The following LRP12 variants were observed in gnomAD, a reference collection of about 807,000 sequenced individuals.
The protein encoded by LRP12 is LDL receptor related protein 12.
LRP12 carries 14 observed loss-of-function variants against 66.0 expected under a neutral mutation model. That is an observed-to-expected ratio of 0.21 (90% CI 0.14 to 0.33). The LOEUF is 0.33. Ranked by LOEUF, LRP12 falls within the 10% of genes least tolerant of loss-of-function variation. LRP12 has a pLI of 1.00. For synonymous variants in LRP12, 357 were observed against 359.1 expected (o/e 0.99, Z 0.07); for missense variants, 889 against 1,053.4 (o/e 0.84, Z 2.16).
chr8:104,528,157 C>A (rs1485701355), intron 2 of LRP12, among the ~76,000 whole-genome samples: 2 of 152,136 alleles, frequency 1.3e-5, no homozygotes, highest in East Asian at 1.9e-4. Context: ...AATTAAAATT[C>A]TTTCTAAAAT....
intron 1 of LRP12, among the ~76,000 whole-genome samples, chr8:104,554,015 A>G (rs929810100): frequency 4.6e-5 from 7 of 152,192 alleles, no homozygotes; most frequent in African/African-American, 1.7e-4. Flanking sequence ...GGGTGGCTAG[A>G]CCCACAAATG....
intron 3 of LRP12, chr8:104,507,548 T>C (rs1810927827): frequency 6.6e-6 from 1 of 152,224 alleles, no homozygotes; most frequent in Non-Finnish European, 1.5e-5. Flanking sequence ...TCTCTATAAA[T>C]TCTAGTTTTA....
chr8:104,518,845 T>G (rs1381267897), intron 2 of LRP12, among the ~76,000 whole-genome samples: 1 of 151,844 alleles, frequency 6.6e-6, no homozygotes, highest in East Asian at 1.9e-4. Context: ...GGGGATGAAG[T>G]GGAGGCTGAG....
intron 1 of LRP12, among the ~76,000 whole-genome samples, chr8:104,564,718 G>A (rs1811969358): frequency 6.6e-6 from 1 of 152,016 alleles, no homozygotes; most frequent in African/African-American, 2.4e-5. Context: ...ATCACTTGAG[G>A]TCAGGAGTTT....
At position 104,497,112 on chromosome 8, in the gene LRP12, G is replaced by A. The variant is rs983695062; in HGVS notation, c.1440C>T (p.Ser480=). 1.9e-5 allele frequency: 30 copies of A among 1,613,274 alleles called. No homozygotes were observed. The highest frequency in any genetic ancestry group is 2.2e-5 in the South Asian group (2 of 90,938). ...CGATTACTGGGCAATTTTCTTCATC[G>A]CTGCCATCACCACAGTCATCTTGAG... is the stretch of plus-strand genomic sequence containing the variant. ...CDSQDDCGDG[S]DEENCPVIVP... is the part of the protein sequence containing the mutation. Residue 480 remains serine, a synonymous_variant, in exon 5 of 7, where the codon AGC becomes AGT. Coordinates refer to ENST00000276654, the MANE Select transcript of LRP12 (RefSeq NM_013437.5). This position sits in a 1 kb window ranked among gnomAD's most constrained non-coding sequence, Gnocchi z 4.3.
At chr8:104,532,995 G>C (rs531303626) in intron 1 of LRP12, among the ~76,000 whole-genome samples, 37 of 152,122 alleles carry the variant, frequency 2.4e-4, no homozygotes, top group African/African-American at 7.9e-4. Flanking sequence ...GTTGATTTTT[G>C]TAACTGTGTA....
intron 1 of LRP12, among the ~76,000 whole-genome samples, chr8:104,551,816 C>T (rs150999064): frequency 6.6e-6 from 1 of 152,296 alleles, no homozygotes; most frequent in Non-Finnish European, 1.5e-5. Context: ...TTCTCTCCTT[C>T]CTTTTCTTTC....
intron 3 of LRP12, 154 bp downstream of exon 3, chr8:104,508,785 T>C: frequency 1.6e-6 from 1 of 619,688 alleles, no homozygotes; most frequent in Non-Finnish European, 2.7e-6. Flanking sequence ...CTGTTACTCT[T>C]ACTCTTAAGA....
chr8:104,569,849 T>C (rs373758054), intron 1 of LRP12, among the ~76,000 whole-genome samples: 1 of 152,174 alleles, frequency 6.6e-6, no homozygotes, highest in African/African-American at 2.4e-5. Flanking sequence ...AGGTGTATAG[T>C]TGGGAAACAC....
chr8:104,530,389 C>A (rs1811307941), intron 2 of LRP12, among the ~76,000 whole-genome samples: 1 of 152,034 alleles, frequency 6.6e-6, no homozygotes, highest in South Asian at 2.1e-4. Flanking sequence ...TACCATAGGA[C>A]TCATGTTCTT....
chr8:104,559,662 TAAC>T (rs771347244), intron 1 of LRP12, among the ~76,000 whole-genome samples: 21 of 152,142 alleles, frequency 1.4e-4, no homozygotes, highest in Non-Finnish European at 2.5e-4. Context: ...AAGGACCTCT[TAAC>T]AATATTGTAC....
At chr8:104,537,831 G>A (rs1588496296) in intron 1 of LRP12, among the ~76,000 whole-genome samples, 1 of 152,154 alleles carries the variant, frequency 6.6e-6, no homozygotes, top group East Asian at 1.9e-4. Context: ...TATTCATTCT[G>A]TACGATTCTA....
At chr8:104,550,141 T>G (rs545685490) in intron 1 of LRP12, among the ~76,000 whole-genome samples, 1 of 152,166 alleles carries the variant, frequency 6.6e-6, no homozygotes, top group African/African-American at 2.4e-5. Context: ...GTACTTTTCA[T>G]ACATCATTAC....
intron 1 of LRP12, among the ~76,000 whole-genome samples, chr8:104,549,978 C>A (rs1187671458): frequency 1.3e-5 from 2 of 152,082 alleles, no homozygotes; most frequent in African/African-American, 4.8e-5. Flanking sequence ...TCTAGAAAGT[C>A]TGTTCTCAGC....
At chr8:104,573,595 A>C (rs1245544733) in intron 1 of LRP12, among the ~76,000 whole-genome samples, 1 of 152,130 alleles carries the variant, frequency 6.6e-6, no homozygotes, top group African/African-American at 2.4e-5. Context: ...CTCGGCATTT[A>C]TTAGTACAAA....
At chr8:104,548,364 TATAA>T (rs1811660166) in intron 1 of LRP12, among the ~76,000 whole-genome samples, 2 of 58,818 alleles carry the variant, frequency 3.4e-5, no homozygotes, top group South Asian at 4.0e-4. Flanking sequence ...ATATATATTA[TATAA>T]ATATATTATA....
chr8:104,540,757 C>T (rs1328451410), intron 1 of LRP12, among the ~76,000 whole-genome samples: 2 of 152,140 alleles, frequency 1.3e-5, no homozygotes, highest in Non-Finnish European at 2.9e-5. Flanking sequence ...GTTGTTGAGA[C>T]AGAGTCTCGC....
Position 104,589,193 on chromosome 8 carries a change from G to A in LRP12, c.-296C>T, listed in dbSNP as rs1812396184. ...GCTCGCGCGCCAGCGCGAGACGAGA[G>A]GGTGGCGGACGCCGGACTCCGGCCT... is the stretch of plus-strand genomic sequence containing the variant. On this transcript the variant is annotated 5_prime_UTR_variant, in exon 1 of 7. Coordinates refer to ENST00000276654, the MANE Select transcript of LRP12 (RefSeq NM_013437.5). Among the ~76,000 whole-genome samples the A allele has an allele frequency of 6.6e-6, 1 of 151,642 alleles. No individual in the cohort carries two copies. Among genetic ancestry groups the A allele is most frequent in the South Asian group, 2.1e-4 (1 of 4,834 alleles).
chr8:104,500,313 T>C (rs1810805735), intron 3 of LRP12, among the ~76,000 whole-genome samples: 1 of 152,206 alleles, frequency 6.6e-6, no homozygotes, highest in Non-Finnish European at 1.5e-5. Flanking sequence ...TACCCAAGGA[T>C]TATTATACCA....
Sources: gnomAD v4.1 joint callset for allele counts (sites outside exome capture counted in the v4.1 genomes callset) on GRCh38, gnomAD v4.1.1 for gene constraint, Gnocchi (gnomAD v3.1) non-coding constraint, MANE v1.5 for transcripts, NCBI Gene and HGNC (gene_info 2026-07-23, HGNC 2026-07-21) for gene names.